VIPR1: variants seen among roughly 807,000 people sequenced by gnomAD.
VIPR1 encodes the protein vasoactive intestinal peptide receptor 1.
A neutral mutation model predicts 58.8 loss-of-function variants in VIPR1; 59 were observed. The ratio of observed to expected loss-of-function variants is 1.00; its 90% confidence interval spans 0.81 to 1.25. The LOEUF is 1.25. Ranked by LOEUF, VIPR1 falls within the 50% of genes most tolerant of loss-of-function variation. VIPR1 has a pLI of 0.00. For missense variants in VIPR1, 626 were observed against 602.7 expected, an observed-to-expected ratio of 1.04 and a Z score of -0.40; for synonymous variants, 251 against 242.1, an observed-to-expected ratio of 1.04 and a Z score of -0.34.
At chr3:42,501,956 G>C (rs891010909), upstream of VIPR1, 1 of 152,344 alleles carries the variant, frequency 6.6e-6, no homozygotes, top group African/African-American at 2.4e-5. The surrounding 1 kb of genome is among the most constrained non-coding windows in gnomAD (Gnocchi z 4.8). Context: ...TGAAGGGCCA[G>C]GGCACCCAAC....
chr3:42,513,050 C>A, intron 1 of VIPR1: 1 of 859,232 alleles, frequency 1.2e-6, no homozygotes, highest in Non-Finnish European at 1.4e-6. Flanking sequence ...CCCTTCTCTT[C>A]ACCTTCCAGA....
chr3:42,527,570 GC>G, intron 5 of VIPR1, 74 bp downstream of exon 5: 1 of 1,422,864 alleles, frequency 7.0e-7, no homozygotes, highest in Non-Finnish European at 9.8e-7. Flanking sequence ...GCCCAGCGTG[GC>G]CCAGGCGTGC....
chr3:42,534,405 C>T (rs189945589), intron 10 of VIPR1: 3 of 152,978 alleles, frequency 2.0e-5, no homozygotes, highest in African/African-American at 4.8e-5. Flanking sequence ...CTTCATAGTA[C>T]CCAAAACACT....
Position 42,531,525 on chromosome 3 carries a change from A to C in VIPR1, c.845A>C (p.Asp282Ala). 6.3e-7 allele frequency: 1 copy of C among 1,596,362 alleles called. No homozygotes were observed. The highest frequency in any genetic ancestry group is 8.5e-7 in the Non-Finnish European group (1 of 1,170,816). ...ACCATCGCCAGGATCCATTTTGAGG[A>C]TTATGGGTGAGCTGCTGCCCCACAC... ...VWTIARIHFEDYGCWDTINSS... is the reference protein window; with the variant it reads ...VWTIARIHFEAYGCWDTINSS... Residue 282 changes from aspartate to alanine, a missense_variant, in exon 8 of 13, where the codon GAT becomes GCT. By Grantham distance (126) the Asp-to-Ala change is moderately radical. Coordinates refer to ENST00000325123, the MANE Select transcript of VIPR1 (RefSeq NM_004624.4).
At position 42,502,677 on chromosome 3, in the gene VIPR1, G is replaced by A. The variant is rs912615615; in HGVS notation, c.-59G>A. 22 of 1,228,810 alleles carry A rather than the reference G, an allele frequency of 1.8e-5. No homozygotes were observed. The African/African-American group carries it at 2.7e-4, about 15-fold the overall frequency. 76.1% of individuals were successfully genotyped at this position (1,228,810 alleles called of 1,614,324 possible). A position where few individuals can be genotyped will look rare whatever the true frequency, so the allele number is the denominator to read the frequency against. ...GGCTCCCGGCCATCGCCCGCCTGGTGCGCCGCCCGCCAGCTCTTTGCCCGC... is the reference window on the plus strand; with the variant it reads ...GGCTCCCGGCCATCGCCCGCCTGGTACGCCGCCCGCCAGCTCTTTGCCCGC... On this transcript the variant is annotated 5_prime_UTR_variant, in exon 1 of 13. Transcript: ENST00000325123.
intron 6 of VIPR1, chr3:42,528,783 G>A: frequency 6.6e-6 from 1 of 152,524 alleles, no homozygotes; most frequent in Non-Finnish European, 1.5e-5. Flanking sequence ...CTTGAGATCA[G>A]CCCCAGCCCC....
At chr3:42,527,825 TG>T in intron 5 of VIPR1, 165 bp from the exon 6 acceptor site, 1 of 1,025,112 alleles carries the variant, frequency 9.8e-7, no homozygotes, top group Non-Finnish European at 1.4e-6. Flanking sequence ...ATGGGGTACC[TG>T]GGGGTGGGGC....
intron 1 of VIPR1, chr3:42,511,675 A>G (rs558633988): frequency 1.3e-5 from 2 of 152,474 alleles, no homozygotes; most frequent in East Asian, 1.9e-4. Context: ...GAAAGCAGAA[A>G]GAACCCTGTT....
In VIPR1 at chr3:42,536,393, G is replaced by C; in HGVS notation, c.*112G>C. 2 of 1,210,400 alleles carry C rather than the reference G, an allele frequency of 1.7e-6. No homozygotes were observed. The highest frequency in any genetic ancestry group is 2.2e-6 in the Non-Finnish European group (2 of 905,380). The allele number at this position is 1,210,400 out of a possible 1,614,324, so 75.0% of individuals were successfully genotyped here. Reference sequence around the variant, plus strand: ...CGCGGCCAGCCCCGGCCCTGGGCTCGGAGGCTGCCCCCGGCCCCCTGGTCT... The same window carrying C: ...CGCGGCCAGCCCCGGCCCTGGGCTCCGAGGCTGCCCCCGGCCCCCTGGTCT... On this transcript the variant is annotated 3_prime_UTR_variant, in exon 13 of 13. Transcript: ENST00000325123.
intron 3 of VIPR1, among the ~76,000 whole-genome samples, chr3:42,524,195 T>C (rs1340158546): frequency 6.6e-6 from 1 of 152,194 alleles, no homozygotes; most frequent in Non-Finnish European, 1.5e-5. Flanking sequence ...ATCCAGGGCC[T>C]CAGAGCCTGC....
chr3:42,532,203 C>A, intron 9 of VIPR1, 39 bp from the exon 10 acceptor site: 1 of 1,600,552 alleles, frequency 6.2e-7, no homozygotes, highest in Non-Finnish European at 8.6e-7. Context: ...CCTCAGCCTT[C>A]CCGCTCTGAC....
At chr3:42,490,265 G>C (rs1246840340) in intron 1 of VIPR1, among the ~76,000 whole-genome samples, 1 of 152,218 alleles carries the variant, frequency 6.6e-6, no homozygotes, top group African/African-American at 2.4e-5. Flanking sequence ...GTCAATTCAG[G>C]GTGGCTTCCC....
At chr3:42,505,367 G>A (rs969710703) in intron 1 of VIPR1, among the ~76,000 whole-genome samples, 2 of 152,278 alleles carry the variant, frequency 1.3e-5, no homozygotes, top group East Asian at 1.9e-4. Flanking sequence ...GGAGAGGCTC[G>A]ACTTCTCCCC....
rs746289437 is a variant in VIPR1, at chr3:42,532,301, A to T, written c.978A>T (p.Pro326=). The T allele has an allele frequency of 1.2e-6, 2 of 1,614,142 alleles. No individual in the cohort carries two copies. The highest frequency in any genetic ancestry group is 1.7e-6 in the Non-Finnish European group (2 of 1,180,024). The change falls in exon 10 of 13, where the codon CCA becomes CCT. Residue 326 remains proline (P), a synonymous_variant. Transcript: ENST00000325123. ...IRILLQKLRP[P]DIRKSDSSPY... ...TCCTGCTTCAGAAACTGCGGCCCCCAGATATCAGGAAGAGTGACAGCAGTC... is the reference window on the plus strand; with the variant it reads ...TCCTGCTTCAGAAACTGCGGCCCCCTGATATCAGGAAGAGTGACAGCAGTC...
chr3:42,498,170 A>G (rs138919173), upstream of VIPR1, among the ~76,000 whole-genome samples: 5 of 152,276 alleles, frequency 3.3e-5, no homozygotes, highest in East Asian at 9.7e-4. Context: ...CCACCTCTAG[A>G]AAGAGCTTGC....
intron 10 of VIPR1, 123 bp from the exon 11 acceptor site, chr3:42,534,852 C>T: frequency 2.3e-6 from 3 of 1,287,406 alleles, no homozygotes; most frequent in Non-Finnish European, 3.2e-6. Context: ...ACCTACAGTC[C>T]ATCCTCATAC....
chr3:42,524,730 A>T (rs562378336), intron 3 of VIPR1, among the ~76,000 whole-genome samples: 2 of 152,268 alleles, frequency 1.3e-5, no homozygotes, highest in Non-Finnish European at 2.9e-5. Flanking sequence ...GCAGCTCTTT[A>T]TCTGGTCACC....
intron 2 of VIPR1, among the ~76,000 whole-genome samples, chr3:42,516,135 G>C (rs921112515): frequency 5.9e-5 from 9 of 152,178 alleles, no homozygotes; most frequent in Admixed American, 6.5e-5. Context: ...ACCTCATCTT[G>C]CCTCACCATC....
In VIPR1 at chr3:42,527,267, C is replaced by A. The variant is rs1577243706; in HGVS notation, c.400-126C>A. The A allele has an allele frequency of 6.0e-6, 5 of 831,946 alleles. No individual in the cohort carries two copies. The East Asian group carries it at 1.3e-4, about 22-fold the overall frequency. 51.5% of individuals were successfully genotyped at this position (831,946 alleles called of 1,614,324 possible). The stretch of plus-strand genomic sequence containing the variant: ...AGCTGCTCTTGGGAGCCCCAGACCT[C>A]AGCCTCCTCATTTGCTGAGGCAGGG... On this transcript the variant is annotated intron_variant, in intron 4 of 12. Transcript: ENST00000325123.
Sources: allele counts gnomAD v4.1 joint callset (sites outside exome capture counted in the v4.1 genomes callset), GRCh38; gene constraint gnomAD v4.1.1; non-coding constraint Gnocchi (gnomAD v3.1); transcripts MANE v1.5; gene names NCBI Gene and HGNC (gene_info 2026-07-23, HGNC 2026-07-21).